GRID1: variants seen among roughly 807,000 people sequenced by gnomAD.
The protein encoded by GRID1 is glutamate ionotropic receptor delta type subunit 1, also known as glutamate receptor ionotropic, delta-1.
Under a neutral mutation model 98.0 loss-of-function variants are expected in GRID1, and 28 were observed. The ratio of observed to expected loss-of-function variants is 0.29; its 90% CI spans 0.21 to 0.39. The LOEUF (loss-of-function observed/expected upper bound fraction) is 0.39, where lower values mean the gene tolerates loss of function less well. Ranked by LOEUF, GRID1 falls within the 10% of genes least tolerant of loss-of-function variation. The probability of loss-of-function intolerance (pLI) is 1.00; values close to 1 mark genes in which losing one functional copy is unlikely to be tolerated. For missense variants in GRID1, 1,111 were observed against 1,340.5 expected, an observed-to-expected ratio of 0.83 and a Z score of 2.67; for synonymous variants, 553 against 538.5, an observed-to-expected ratio of 1.03 and a Z score of -0.37.
At chr10:85,604,357 A>G (rs1005942074) in intron 15 of GRID1, among the ~76,000 whole-genome samples, 3 of 152,192 alleles carry the variant, frequency 2.0e-5, no homozygotes, top group Non-Finnish European at 4.4e-5. Context: ...GGAAATCAAG[A>G]CAGCCAACTA....
At chr10:86,300,508 G>A (rs112928744) in intron 2 of GRID1, among the ~76,000 whole-genome samples, 690 of 20,742 alleles carry the variant, frequency 0.033, 27 homozygotes, top group African/African-American at 0.063. Context: ...AGACAGGGGA[G>A]GGGAAGGGAG....
chr10:85,838,806 C>T (rs1842935282), intron 8 of GRID1, among the ~76,000 whole-genome samples: 1 of 152,032 alleles, frequency 6.6e-6, no homozygotes, highest in Admixed American at 6.6e-5. Context: ...CAATAATAAC[C>T]TTAAATATAA....
chr10:86,098,575 G>T (rs1311028630), intron 4 of GRID1, among the ~76,000 whole-genome samples: 1 of 152,138 alleles, frequency 6.6e-6, no homozygotes, highest in African/African-American at 2.4e-5. Flanking sequence ...GGGTCAAAAG[G>T]TACAAACATT....
At chr10:86,074,557 T>C (rs1843853189) in intron 4 of GRID1, among the ~76,000 whole-genome samples, 1 of 152,238 alleles carries the variant, frequency 6.6e-6, no homozygotes, top group African/African-American at 2.4e-5. Context: ...GGCTGATTAA[T>C]AGTCCACTGA....
intron 4 of GRID1, among the ~76,000 whole-genome samples, chr10:86,030,510 G>A (rs982437949): frequency 6.6e-6 from 1 of 152,210 alleles, no homozygotes; most frequent in Admixed American, 6.5e-5. Flanking sequence ...AACTCCAAAT[G>A]GTGCTGCAGA....
At chr10:85,832,598 A>T (rs1203589070) in intron 8 of GRID1, among the ~76,000 whole-genome samples, 1 of 152,178 alleles carries the variant, frequency 6.6e-6, no homozygotes, top group Non-Finnish European at 1.5e-5. Flanking sequence ...ACAACTACAA[A>T]CACTGGAAAT....
At position 86,366,236 on chromosome 10, in the gene GRID1, G is replaced by C. The variant is rs1022582167; in HGVS notation, c.79+78C>G. ...GCCGAGCCCCTCGGCCCAGGGAAACGCCAAGTTTGGACGCCGCGCACCCCC... is the reference window on the plus strand; with the variant it reads ...GCCGAGCCCCTCGGCCCAGGGAAACCCCAAGTTTGGACGCCGCGCACCCCC... On this transcript the variant is annotated intron_variant, in intron 1 of 15. Coordinates refer to ENST00000327946, the MANE Select transcript of GRID1 (RefSeq NM_017551.3). This position sits in a 1 kb window ranked among gnomAD's most constrained non-coding sequence, Gnocchi z 4.1. 5.7e-6 allele frequency: 6 copies of C among 1,058,368 alleles called. No homozygotes were observed. Among genetic ancestry groups the C allele is most frequent in the Non-Finnish European group, 7.9e-6 (6 of 760,864 alleles). 65.6% of individuals were successfully genotyped at this position (1,058,368 alleles called of 1,614,324 possible).
chr10:85,775,282 C>A (rs1212210005), intron 8 of GRID1, among the ~76,000 whole-genome samples: 5 of 137,128 alleles, frequency 3.6e-5, no homozygotes, highest in African/African-American at 1.1e-4. Context: ...ACAATGAGAA[C>A]ACATGGACAC....
chr10:86,013,166 A>G (rs1842940422), intron 4 of GRID1, among the ~76,000 whole-genome samples: 1 of 152,204 alleles, frequency 6.6e-6, no homozygotes, highest in African/African-American at 2.4e-5. Context: ...TGGAATAGAT[A>G]TCTTCAGCAG....
chr10:86,023,142 T>C (rs17106168), intron 4 of GRID1, among the ~76,000 whole-genome samples: 13,274 of 151,760 alleles, frequency 0.087, 680 homozygotes, highest in African/African-American at 0.13. Context: ...TCCTCAGGGG[T>C]TCCCAGCTTG....
chr10:85,685,775 T>A (rs1476757036), intron 12 of GRID1, among the ~76,000 whole-genome samples: 1 of 152,138 alleles, frequency 6.6e-6, no homozygotes, highest in African/African-American at 2.4e-5. Context: ...GACACTGTGC[T>A]GAAGGAAAGC....
At chr10:85,977,928 A>G (rs1295604697) in intron 4 of GRID1, among the ~76,000 whole-genome samples, 3 of 152,178 alleles carry the variant, frequency 2.0e-5, no homozygotes, top group Non-Finnish European at 2.9e-5. Context: ...TGAATGATGG[A>G]CATGATGGCA....
chr10:85,978,180 G>C (rs1589321810), intron 4 of GRID1, among the ~76,000 whole-genome samples: 1 of 152,286 alleles, frequency 6.6e-6, no homozygotes, highest in East Asian at 1.9e-4. Flanking sequence ...CCTAACCTGT[G>C]ATTTTTTTAA....
intron 8 of GRID1, among the ~76,000 whole-genome samples, chr10:85,782,995 G>A (rs1366072124): frequency 6.6e-6 from 1 of 152,112 alleles, no homozygotes; most frequent in African/African-American, 2.4e-5. Context: ...CTAAAAAGAT[G>A]ATCTCTCCAC....
intron 12 of GRID1, among the ~76,000 whole-genome samples, chr10:85,670,790 G>C (rs1157022279): frequency 6.6e-6 from 1 of 152,086 alleles, no homozygotes; most frequent in Non-Finnish European, 1.5e-5. Flanking sequence ...GACAATGCTT[G>C]ACCATGGTTC....
intron 5 of GRID1, among the ~76,000 whole-genome samples, chr10:85,890,843 C>T (rs1223148174): frequency 6.6e-6 from 1 of 152,188 alleles, no homozygotes; most frequent in Middle Eastern, 3.4e-3. Flanking sequence ...CACACATACA[C>T]AAAAAGTGAA....
At chr10:86,360,475 A>C (rs1048800377) in intron 2 of GRID1, among the ~76,000 whole-genome samples, 3 of 152,262 alleles carry the variant, frequency 2.0e-5, no homozygotes, top group Non-Finnish European at 4.4e-5. Context: ...TTATATTAAT[A>C]CATGCTCATT....
At chr10:85,922,218 A>AC (rs775726976) in intron 4 of GRID1, among the ~76,000 whole-genome samples, 9 of 152,298 alleles carry the variant, frequency 5.9e-5, no homozygotes, top group Middle Eastern at 3.4e-3. Flanking sequence ...CTGAGAAAAC[A>AC]CCATTATAAG....
intron 13 of GRID1, among the ~76,000 whole-genome samples, chr10:85,634,289 T>A (rs376160653): frequency 2.1e-4 from 25 of 120,106 alleles, no homozygotes; most frequent in African/African-American, 6.1e-4. Flanking sequence ...TCTCTCTCTC[T>A]CTCACACACA....
Sources: allele counts gnomAD v4.1 joint callset (sites outside exome capture counted in the v4.1 genomes callset), GRCh38; gene constraint gnomAD v4.1.1; non-coding constraint Gnocchi (gnomAD v3.1); transcripts MANE v1.5; gene names NCBI Gene and HGNC (gene_info 2026-07-23, HGNC 2026-07-21).